EDA2R: variants seen among roughly 807,000 people sequenced by gnomAD.
The protein encoded by EDA2R is tumor necrosis factor receptor superfamily member 27.
Under a neutral mutation model 20.1 loss-of-function variants are expected in EDA2R, and 26 were observed. That is an observed-to-expected ratio of 1.30 (90% confidence interval 0.95 to 1.80). EDA2R has a LOEUF of 1.80. Ranked by LOEUF, EDA2R falls within the 40% of genes most tolerant of loss-of-function variation. The pLI, the probability that EDA2R is intolerant of heterozygous loss-of-function variation, is 0.00. For missense variants in EDA2R, 277 were observed against 228.7 expected (o/e 1.21, Z -1.36); for synonymous variants, 114 against 88.7 (o/e 1.29, Z -1.60).
At chrX:66,632,484 GAAGA>G (rs1223794670) in intron 1 of EDA2R, among the ~76,000 whole-genome samples, 1 of 108,226 alleles carries the variant, frequency 9.2e-6, no homozygotes, top group African/African-American at 3.4e-5. Flanking sequence ...AGGGAAGAAG[GAAGA>G]AAGAAGGAAG....
chrX:66,607,189 A>T (rs750647239), intron 2 of EDA2R, among the ~76,000 whole-genome samples: 2 of 112,255 alleles, frequency 1.8e-5, no homozygotes, highest in African/African-American at 6.5e-5. Flanking sequence ...CATCTGGCTA[A>T]CTGTTTAAGT....
chrX:66,630,172 C>T (rs1418533781), intron 1 of EDA2R, among the ~76,000 whole-genome samples: 1 of 111,732 alleles, frequency 8.9e-6, no homozygotes, highest in African/African-American at 3.3e-5. Context: ...TCATCTCTCA[C>T]ATTACACACA....
At chrX:66,632,011 C>G (rs1454999404) in intron 1 of EDA2R, among the ~76,000 whole-genome samples, 1 of 111,184 alleles carries the variant, frequency 9.0e-6, no homozygotes, top group East Asian at 2.8e-4. Context: ...TATGGCTGCA[C>G]ATCAGAATCA....
chrX:66,605,095 G>T lies in EDA2R; in HGVS notation c.219C>A (p.Val73=). Reference sequence around the variant, plus strand: ...CAGCATTAGAGGTAGCTGTGCAGTTGACCTTCTGAACACGATTGATGACAG... The same window carrying T: ...CAGCATTAGAGGTAGCTGTGCAGTTTACCTTCTGAACACGATTGATGACAG... ...TCAVINRVQK[V]NCTATSNAVC... is the part of the protein sequence containing the mutation. Residue 73 remains valine, a synonymous_variant, in exon 3 of 7, where the codon GTC becomes GTA. Transcript: ENST00000374719. 8.3e-7 allele frequency: 1 copy of T among 1,209,102 alleles called. No homozygotes were observed. The highest frequency in any genetic ancestry group is 1.1e-6 in the Non-Finnish European group (1 of 894,256).
chrX:66,601,747 C>T (rs1012653346), intron 5 of EDA2R, among the ~76,000 whole-genome samples: 3 of 111,272 alleles, frequency 2.7e-5, no homozygotes, highest in African/African-American at 9.8e-5. Flanking sequence ...TCTCAGTTCC[C>T]TTAATGGCAA....
chrX:66,618,608 G>T (rs1214802249), intron 1 of EDA2R, among the ~76,000 whole-genome samples: 3 of 111,906 alleles, frequency 2.7e-5, no homozygotes, highest in African/African-American at 9.7e-5. Flanking sequence ...CAAGAGTAGA[G>T]ACCACTGCAT....
At position 66,636,140 on chromosome X, in the gene EDA2R, C is replaced by T. The variant is rs1465915429; in HGVS notation, c.-11+2855G>A. 5.4e-5 allele frequency among the ~76,000 whole-genome samples: 6 copies of T among 111,493 alleles called. No individual in the cohort carries two copies. In the East Asian group the frequency reaches 1.4e-3, roughly 26 times the overall value. ...AATCTTGAACTCCTGGGCTCAAGCC[C>T]TCCTCTCGCCTATGCCTCCTAAAGT... On this transcript the variant is annotated intron_variant, in intron 1 of 6. Transcript: ENST00000374719.
intron 1 of EDA2R, among the ~76,000 whole-genome samples, chrX:66,621,455 T>C (rs1371939788): frequency 8.9e-6 from 1 of 112,297 alleles, no homozygotes; most frequent in African/African-American, 3.2e-5. Flanking sequence ...TAAACAAATG[T>C]TCCTAGCAGC....
chrX:66,602,857 C>G, intron 4 of EDA2R, 60 bp from the exon 5 acceptor site: 2 of 1,006,547 alleles, frequency 2.0e-6, no homozygotes, highest in Non-Finnish European at 2.7e-6. Context: ...TCACCCTGAC[C>G]CTGGACCTGG....
intron 5 of EDA2R, among the ~76,000 whole-genome samples, chrX:66,600,759 T>C (rs1217717608): frequency 8.9e-6 from 1 of 112,165 alleles, no homozygotes; most frequent in Non-Finnish European, 1.9e-5. Flanking sequence ...CCTATGGGAT[T>C]TGTGTTTGTC....
chrX:66,618,963 C>A (rs148634460), intron 1 of EDA2R, among the ~76,000 whole-genome samples: 1 of 111,988 alleles, frequency 8.9e-6, no homozygotes, highest in Non-Finnish European at 1.9e-5. Context: ...AAATTAAATG[C>A]AATAATACAT....
chrX:66,639,145 ATCAGCCCCGCCCCTCAGCCCCCGCCCC>A (rs1934622568), upstream of EDA2R: 1 of 26,354 alleles, frequency 3.8e-5, no homozygotes, highest in Admixed American at 5.3e-4. Flanking sequence ...AGACCCGCCC[ATCAGCCCCGCCCCTCAGCCCCCGCCCC>A]TCAGCCCCCA....
rs148378617 is a variant in EDA2R at position 66,627,344 on chromosome X, G to A, written c.-10-11314C>T. On this transcript the variant is annotated intron_variant, in intron 1 of 6. Coordinates refer to ENST00000374719, the MANE Select transcript of EDA2R (RefSeq NM_021783.5). ...TTAAGAAATACAGAACTGCAGAAAGGATAAAAACTCACCAACAAATTATCT... is the reference window on the plus strand; with the variant it reads ...TTAAGAAATACAGAACTGCAGAAAGAATAAAAACTCACCAACAAATTATCT... Among the ~76,000 whole-genome samples the A allele has an allele frequency of 7.5e-3, 837 of 112,063 alleles. 8 individuals are homozygous for A. The highest frequency in any genetic ancestry group is 0.026 in the African/African-American group (808 of 30,864).
chrX:66,601,461 C>CAAATATAG (rs1159301746), intron 5 of EDA2R, among the ~76,000 whole-genome samples: 1 of 111,623 alleles, frequency 9.0e-6, no homozygotes, highest in East Asian at 2.8e-4. Context: ...TCCTGCAGCC[C>CAAATATAG]ATGAAATGCT....
intron 2 of EDA2R, among the ~76,000 whole-genome samples, chrX:66,608,131 C>A (rs1462643110): frequency 9.0e-6 from 1 of 111,249 alleles, no homozygotes; most frequent in Admixed American, 9.5e-5. Context: ...AATGAGCAAA[C>A]CTGAATGTAG....
chrX:66,600,669 C>G (rs1351705411), intron 5 of EDA2R, among the ~76,000 whole-genome samples: 1 of 111,790 alleles, frequency 8.9e-6, no homozygotes, highest in Non-Finnish European at 1.9e-5. Context: ...AAATGTGTGG[C>G]AATTTGTTAT....
chrX:66,599,991 G>A (rs1928256691), intron 5 of EDA2R, 131 bp from the exon 6 acceptor site: 2 of 1,136,502 alleles, frequency 1.8e-6, no homozygotes, highest in South Asian at 4.1e-5. Flanking sequence ...CTGGGGTCTA[G>A]AGCACCTAGC....
intron 5 of EDA2R, 108 bp from the exon 6 acceptor site, chrX:66,599,968 T>C: frequency 2.7e-6 from 3 of 1,131,962 alleles, no homozygotes; most frequent in Non-Finnish European, 3.5e-6. Context: ...AGCTGATTCT[T>C]TCCTTCCTCT....
intron 3 of EDA2R, 86 bp from the exon 4 acceptor site, chrX:66,604,592 A>G: frequency 2.2e-6 from 2 of 898,543 alleles, no homozygotes; most frequent in Non-Finnish European, 3.1e-6. Context: ...AGCTCCTAAG[A>G]ATCTTGCCAA....
Sources: gnomAD v4.1 joint callset for allele counts (sites outside exome capture counted in the v4.1 genomes callset) on GRCh38, gnomAD v4.1.1 for gene constraint, MANE v1.5 for transcripts, NCBI Gene and HGNC (gene_info 2026-07-23, HGNC 2026-07-21) for gene names.